The following DGKB variants were observed in gnomAD, a reference collection of about 807,000 sequenced individuals.
DGKB encodes the protein 90 kDa diacylglycerol kinase.
DGKB carries 67 observed loss-of-function variants against 114.3 expected under a neutral mutation model. That is an observed-to-expected ratio of 0.59 (90% CI 0.48 to 0.72). The LOEUF is 0.72. Ranked by LOEUF, DGKB falls within the 30% of genes least tolerant of loss-of-function variation. The pLI is 0.00. For missense variants in DGKB, 907 were observed against 975.2 expected (o/e 0.93, Z 0.93); for synonymous variants, 398 against 323.1 (o/e 1.23, Z -2.49).
At chr7:14,356,352 CTTTTTTTTTTTTTTTT>C (rs997102742) in intron 21 of DGKB, among the ~76,000 whole-genome samples, 26 of 77,222 alleles carry the variant, frequency 3.4e-4, no homozygotes, top group Non-Finnish European at 6.1e-4. Context: ...TTCTCTAGTT[CTTTTTTTTTTTTTTTT>C]TTTTTTTTTT....
intron 1 of DGKB, among the ~76,000 whole-genome samples, chr7:14,930,536 C>T (rs558934660): frequency 6.6e-6 from 1 of 152,160 alleles, no homozygotes; most frequent in African/African-American, 2.4e-5. Context: ...AAAAGTGCTA[C>T]TGATTTTTGT....
intron 21 of DGKB, among the ~76,000 whole-genome samples, chr7:14,375,816 C>A (rs577282180): frequency 6.6e-6 from 1 of 152,316 alleles, no homozygotes; most frequent in South Asian, 2.1e-4. Context: ...GATTTTCTTG[C>A]AAGGCTAAAT....
At chr7:14,372,148 T>A (rs1182803865) in intron 21 of DGKB, among the ~76,000 whole-genome samples, 1 of 152,110 alleles carries the variant, frequency 6.6e-6, no homozygotes, top group South Asian at 2.1e-4. Flanking sequence ...GTTGCTCAGA[T>A]CTTCAGTGGA....
intron 6 of DGKB, among the ~76,000 whole-genome samples, chr7:14,703,726 T>C (rs1157541851): frequency 6.6e-6 from 1 of 152,164 alleles, no homozygotes; most frequent in East Asian, 1.9e-4. Context: ...ATTTAATACT[T>C]CATTTGGTCA....
chr7:14,707,364 T>C (rs1826477258), intron 6 of DGKB, among the ~76,000 whole-genome samples: 1 of 149,576 alleles, frequency 6.7e-6, no homozygotes. Context: ...CCAGATGGAT[T>C]CACAGCCGAA....
chr7:14,586,990 C>T (rs1360661644), intron 17 of DGKB, among the ~76,000 whole-genome samples: 5 of 152,028 alleles, frequency 3.3e-5, no homozygotes, highest in Admixed American at 3.3e-4. Context: ...TTCTGCAGCT[C>T]GTCGATCAAG....
intron 2 of DGKB, among the ~76,000 whole-genome samples, chr7:14,771,372 T>C (rs937680692): frequency 6.6e-6 from 1 of 152,092 alleles, no homozygotes; most frequent in East Asian, 1.9e-4. Context: ...TTTGTCTGCA[T>C]CTCGTTATTG....
At chr7:14,584,700 C>G (rs1192029450) in intron 17 of DGKB, among the ~76,000 whole-genome samples, 1 of 151,390 alleles carries the variant, frequency 6.6e-6, no homozygotes, top group South Asian at 2.1e-4. Context: ...CTTTTGTCGC[C>G]CAATATGGAG....
intron 22 of DGKB, among the ~76,000 whole-genome samples, chr7:14,339,134 T>C (rs923302435): frequency 6.6e-6 from 1 of 151,286 alleles, no homozygotes; most frequent in Non-Finnish European, 1.5e-5. Context: ...TGGGGGAAAG[T>C]ACAGAAAGCA....
intron 23 of DGKB, among the ~76,000 whole-genome samples, chr7:14,216,831 A>G (rs890612313): frequency 6.6e-6 from 1 of 151,870 alleles, no homozygotes; most frequent in Non-Finnish European, 1.5e-5. Flanking sequence ...TCTTAAAATA[A>G]CTTAAAGGTC....
intron 21 of DGKB, among the ~76,000 whole-genome samples, chr7:14,452,395 T>C (rs1011821028): frequency 5.3e-5 from 8 of 152,192 alleles, no homozygotes; most frequent in African/African-American, 1.4e-4. Flanking sequence ...TAATATTTAC[T>C]TTGCAATTGA....
At chr7:14,612,540 A>G (rs1000440095) in intron 16 of DGKB, among the ~76,000 whole-genome samples, 3 of 152,112 alleles carry the variant, frequency 2.0e-5, no homozygotes, top group Non-Finnish European at 4.4e-5. Flanking sequence ...TAAATGGTAG[A>G]AAAAAATTAC....
chr7:14,900,903 A>G (rs569753140), intron 1 of DGKB, among the ~76,000 whole-genome samples: 16 of 152,300 alleles, frequency 1.1e-4, no homozygotes, highest in African/African-American at 3.6e-4. Context: ...AGTTGACTCT[A>G]GAGTATTAGG....
Position 14,478,201 on chromosome 7 carries a change from G to A in DGKB, c.1795C>T (p.His599Tyr). 1 of 1,601,604 alleles carries A rather than the reference G, an allele frequency of 6.2e-7. No homozygotes were observed. ...TCTGGGTGTTTTTCTCTCATGATGT[G>A]GAATCTGTGTGCAATGGAGGCATCC... is the stretch of plus-strand genomic sequence containing the variant. ...GVDASIAHRF[H>Y]IMREKHPEKF... The change falls in exon 21 of 26, where the codon CAC becomes TAC. Residue 599 changes from histidine (H) to tyrosine (Y), a missense_variant. His to Tyr is a moderately conservative substitution (Grantham distance 83). This residue lies in a region of DGKB where 814 missense variants were observed against 856.6 expected (regional missense o/e 0.95). Transcript: ENST00000402815.
In DGKB at chr7:14,311,186, T is replaced by A. The variant is rs138432645; in HGVS notation, c.2122+27329A>T. 4.6e-5 allele frequency among the ~76,000 whole-genome samples: 7 copies of A among 152,186 alleles called. No homozygotes were observed. In the East Asian group the frequency reaches 1.4e-3, roughly 29 times the overall value. On this transcript the variant is annotated intron_variant, in intron 23 of 25. Transcript: ENST00000402815. ...TTCATCCTTTGATATCCAAACTGAT[T>A]CCATACTCCTAATAGAATGAAGGCA...
At chr7:14,821,348 T>A (rs1460624118) in intron 2 of DGKB, among the ~76,000 whole-genome samples, 1 of 152,118 alleles carries the variant, frequency 6.6e-6, no homozygotes. Context: ...CTAAAGATGA[T>A]GAACACAAAT....
chr7:14,421,009 C>T (rs1826588339), intron 21 of DGKB, among the ~76,000 whole-genome samples: 1 of 151,982 alleles, frequency 6.6e-6, no homozygotes, highest in African/African-American at 2.4e-5. Context: ...TGGACGTGGG[C>T]CAAGCGTGGG....
chr7:14,231,139 C>CTTTCTTTCT (rs1791772688), intron 23 of DGKB, among the ~76,000 whole-genome samples: 1 of 117,022 alleles, frequency 8.5e-6, no homozygotes, highest in South Asian at 2.5e-4. Context: ...TTCTTTCTTT[C>CTTTCTTTCT]TTTCTTTTTC....
intron 21 of DGKB, among the ~76,000 whole-genome samples, chr7:14,406,653 A>C (rs747942355): frequency 5.9e-5 from 9 of 152,090 alleles, no homozygotes; most frequent in Non-Finnish European, 1.0e-4. Context: ...CTTTAGGACT[A>C]TCTATCCCTA....
Sources: gnomAD v4.1 joint callset for allele counts (sites outside exome capture counted in the v4.1 genomes callset) on GRCh38, gnomAD v4.1.1 for gene constraint, gnomAD v4.1.1 regional missense constraint, MANE v1.5 for transcripts, NCBI Gene and HGNC (gene_info 2026-07-23, HGNC 2026-07-21) for gene names.